Variants in SPECC1 observed in about 807,000 individuals in gnomAD.
SPECC1 encodes cytospin-B.
A neutral mutation model predicts 104.1 loss-of-function variants in SPECC1; 62 were observed. That is an observed-to-expected ratio of 0.60 (90% CI 0.49 to 0.74). The LOEUF (loss-of-function observed/expected upper bound fraction) is 0.74. Ranked by LOEUF, SPECC1 falls within the 30% of genes least tolerant of loss-of-function variation. The pLI, the probability that SPECC1 is intolerant of heterozygous loss-of-function variation, is 0.00. For synonymous variants in SPECC1, 513 were observed against 501.6 expected, an observed-to-expected ratio of 1.02 and a Z score of -0.30; for missense variants, 1,306 against 1,310.5, an observed-to-expected ratio of 1.00 and a Z score of 0.05.
intron 1 of SPECC1, among the ~76,000 whole-genome samples, chr17:20,084,390 T>C (rs1469184457): frequency 6.6e-6 from 1 of 152,142 alleles, no homozygotes; most frequent in African/African-American, 2.4e-5. Flanking sequence ...GACTGTGCCG[T>C]TGCCATTGCA....
At chr17:20,160,523 A>G (rs996613854) in intron 3 of SPECC1, among the ~76,000 whole-genome samples, 1 of 152,198 alleles carries the variant, frequency 6.6e-6, no homozygotes, top group Admixed American at 6.5e-5. Context: ...TGTAGACATG[A>G]TGACCATTCT....
At chr17:20,243,293 C>T (rs1343256725) in intron 7 of SPECC1, among the ~76,000 whole-genome samples, 1 of 152,106 alleles carries the variant, frequency 6.6e-6, no homozygotes, top group Non-Finnish European at 1.5e-5. Flanking sequence ...CTAAGACATA[C>T]CTGGCTGTAT....
chr17:20,269,142 C>G (rs548299020), intron 12 of SPECC1, among the ~76,000 whole-genome samples: 1 of 152,182 alleles, frequency 6.6e-6, no homozygotes, highest in Non-Finnish European at 1.5e-5. Flanking sequence ...CTATTGGCAG[C>G]CATGTTTTTG....
intron 3 of SPECC1, among the ~76,000 whole-genome samples, chr17:20,200,710 G>A (rs1390197016): frequency 6.6e-6 from 1 of 152,160 alleles, no homozygotes; most frequent in Admixed American, 6.5e-5. Context: ...CAGTACCCAC[G>A]AGGAGGTGTG....
chr17:20,194,045 G>A lies in SPECC1; in HGVS notation c.284-10288G>A, dbSNP rs191042899. The stretch of plus-strand genomic sequence containing the variant: ...TCTCTCTCCAGTTTTCCATTTTTAC[G>A]AAAGACAAATTATGGTAAGACTGAT... On this transcript the variant is annotated intron_variant, in intron 3 of 14. Coordinates refer to ENST00000395527, the MANE Select transcript of SPECC1 (RefSeq NM_001243439.2). Among the ~76,000 whole-genome samples the A allele has an allele frequency of 4.0e-4, 61 of 152,290 alleles. No individual in the cohort carries two copies. In the East Asian group the frequency reaches 6.7e-3, roughly 17 times the overall value.
In SPECC1 at chr17:20,253,487, TC is replaced by T. The variant is rs1348356708; in HGVS notation, c.2599-13del. On this transcript the variant is annotated splice_polypyrimidine_tract_variant and intron_variant, in intron 9 of 14. Coordinates refer to ENST00000395527, the MANE Select transcript of SPECC1 (RefSeq NM_001243439.2). ...ATGTTATGAGCTCACCGTGCTGGTG[TC>T]CCCCTGGTTTTTACAGAGGCATTCG... 4 of 1,613,208 alleles carry T rather than the reference TC, an allele frequency of 2.5e-6. No individual in the cohort carries two copies. Among genetic ancestry groups the T allele is most frequent in the Middle Eastern group, 1.7e-4 (1 of 5,776 alleles).
intron 1 of SPECC1, among the ~76,000 whole-genome samples, chr17:20,043,252 C>T (rs764875524): frequency 2.6e-5 from 4 of 152,094 alleles, no homozygotes; most frequent in Non-Finnish European, 5.9e-5. Context: ...CTGGGGGTCA[C>T]AGGAAGCTTG....
intron 3 of SPECC1, among the ~76,000 whole-genome samples, chr17:20,191,575 A>T (rs774523586): frequency 1.3e-5 from 2 of 150,302 alleles, no homozygotes; most frequent in African/African-American, 4.9e-5. Flanking sequence ...TGCACATACC[A>T]TGATGGTTTG....
chr17:20,200,300 G>A (rs1053938350), intron 3 of SPECC1, among the ~76,000 whole-genome samples: 2 of 152,280 alleles, frequency 1.3e-5, no homozygotes, highest in African/African-American at 4.8e-5. Flanking sequence ...TTCTATGAAT[G>A]CTTAGTTTGA....
At position 20,205,919 on chromosome 17, in the gene SPECC1, A is replaced by C; in HGVS notation, c.1863+7A>C. ...TTCCAGTCTGCTGGCCAAGGTGAGA[A>C]GAGACAGCTCTTTACTGGTATTTGC... is the stretch of plus-strand genomic sequence containing the variant. On this transcript the variant is annotated splice_region_variant and intron_variant, in intron 4 of 14. Transcript: ENST00000395527. 4.4e-6 allele frequency: 7 copies of C among 1,600,802 alleles called. No individual in the cohort carries two copies. Among genetic ancestry groups the C allele is most frequent in the Non-Finnish European group, 5.9e-6 (7 of 1,176,856 alleles).
chr17:20,308,240 T>C (rs1327106748), intron 14 of SPECC1, among the ~76,000 whole-genome samples: 2 of 151,612 alleles, frequency 1.3e-5, no homozygotes, highest in Non-Finnish European at 2.9e-5. Flanking sequence ...ATACACAAAA[T>C]TGGCCAGGTG....
At chr17:20,223,397 C>T (rs762575383) in intron 4 of SPECC1, among the ~76,000 whole-genome samples, 11 of 152,016 alleles carry the variant, frequency 7.2e-5, no homozygotes, top group African/African-American at 1.9e-4. Context: ...CAATCTCGGC[C>T]GGGTGCGGTG....
intron 1 of SPECC1, among the ~76,000 whole-genome samples, chr17:20,025,276 GAGTCCTAGTC>G (rs2044556394): frequency 6.6e-6 from 1 of 152,216 alleles, no homozygotes; most frequent in Admixed American, 6.5e-5. Flanking sequence ...CTTGATCTCA[GAGTCCTAGTC>G]TCCAGAACTG....
intron 1 of SPECC1, among the ~76,000 whole-genome samples, chr17:20,011,871 C>T (rs1369792477): frequency 3.3e-5 from 5 of 152,028 alleles, no homozygotes; most frequent in Non-Finnish European, 7.4e-5. Context: ...TTAGCTTTAT[C>T]TACCTGTTTA....
chr17:20,118,088 G>A (rs1179649887), intron 3 of SPECC1, among the ~76,000 whole-genome samples: 2 of 151,544 alleles, frequency 1.3e-5, no homozygotes, highest in Non-Finnish European at 2.9e-5. Flanking sequence ...CTGGGCAACA[G>A]TGAGACCCTG....
chr17:20,242,334 T>C (rs553534410), intron 7 of SPECC1, among the ~76,000 whole-genome samples: 1 of 152,328 alleles, frequency 6.6e-6, no homozygotes, highest in East Asian at 1.9e-4. Flanking sequence ...GAGACATGTA[T>C]GTATATGTGC....
chr17:20,189,437 T>C (rs1329607454), intron 3 of SPECC1, among the ~76,000 whole-genome samples: 3 of 152,228 alleles, frequency 2.0e-5, no homozygotes, highest in African/African-American at 7.2e-5. Context: ...ACTTTTCAAA[T>C]GGCCTGTCAG....
chr17:20,151,498 G>C (rs1219836351), intron 3 of SPECC1, among the ~76,000 whole-genome samples: 2 of 152,196 alleles, frequency 1.3e-5, no homozygotes. Flanking sequence ...AGGAGTGTCT[G>C]TACACTGTTG....
chr17:20,167,397 A>G (rs1054072392), intron 3 of SPECC1, among the ~76,000 whole-genome samples: 12 of 152,058 alleles, frequency 7.9e-5, no homozygotes, highest in African/African-American at 2.9e-4. Flanking sequence ...AATAGCTCCC[A>G]GCTGGGCGCA....
Sources: allele counts gnomAD v4.1 joint callset (sites outside exome capture counted in the v4.1 genomes callset), GRCh38; gene constraint gnomAD v4.1.1; transcripts MANE v1.5; gene names NCBI Gene and HGNC (gene_info 2026-07-23, HGNC 2026-07-21).